The following ZNF385D variants were observed in gnomAD, a reference collection of about 807,000 sequenced individuals.
ZNF385D encodes the protein zinc finger protein 659.
Under a neutral mutation model 35.8 loss-of-function variants are expected in ZNF385D, and 15 were observed. The observed-to-expected ratio is 0.42, with a 90% CI of 0.28 to 0.64. The LOEUF is 0.64. Among genes scored for constraint, ZNF385D ranks in the 30% least tolerant of loss-of-function variants. The probability of loss-of-function intolerance (pLI) is 0.23; values close to 1 mark genes in which losing one functional copy is unlikely to be tolerated. For synonymous variants in ZNF385D, 212 were observed against 186.8 expected, an observed-to-expected ratio of 1.13 and a Z score of -1.10; for missense variants, 474 against 494.6, an observed-to-expected ratio of 0.96 and a Z score of 0.39.
intron 2 of ZNF385D, among the ~76,000 whole-genome samples, chr3:22,304,957 G>A (rs1703123906): frequency 1.3e-5 from 2 of 151,936 alleles, no homozygotes; most frequent in South Asian, 4.1e-4. Flanking sequence ...GCTTAGTACA[G>A]TATTATTTCT....
At chr3:21,426,528 T>C (rs1211443142) in intron 5 of ZNF385D, among the ~76,000 whole-genome samples, 2 of 152,206 alleles carry the variant, frequency 1.3e-5, no homozygotes, top group East Asian at 3.8e-4. Flanking sequence ...AATTTCTTTT[T>C]TTTTAGAGTT....
At chr3:22,029,746 G>T (rs966066763) in intron 3 of ZNF385D, among the ~76,000 whole-genome samples, 1 of 152,170 alleles carries the variant, frequency 6.6e-6, no homozygotes, top group African/African-American at 2.4e-5. Context: ...GGGGATTGGT[G>T]CATTTCTAGT....
intron 2 of ZNF385D, among the ~76,000 whole-genome samples, chr3:22,279,182 A>G (rs1045515258): frequency 2.2e-4 from 33 of 151,980 alleles, no homozygotes; most frequent in Non-Finnish European, 3.8e-4. Flanking sequence ...TTAGTGGCCA[A>G]TTCTGAGATC....
intron 3 of ZNF385D, among the ~76,000 whole-genome samples, chr3:21,906,600 C>G (rs1016798009): frequency 6.6e-6 from 1 of 152,100 alleles, no homozygotes; most frequent in African/African-American, 2.4e-5. Flanking sequence ...TTTGGTTTCC[C>G]TGGGTTCTGT....
chr3:22,185,002 A>G (rs76345924), intron 2 of ZNF385D, among the ~76,000 whole-genome samples: 4,186 of 152,156 alleles, frequency 0.028, 189 homozygotes, highest in African/African-American at 0.095. Flanking sequence ...TGTGTTTTAA[A>G]TAAACATGAG....
intron 5 of ZNF385D, among the ~76,000 whole-genome samples, chr3:21,433,161 AGTCCATTCTGCT>A (rs1375891808): frequency 6.6e-6 from 1 of 152,172 alleles, no homozygotes; most frequent in Non-Finnish European, 1.5e-5. Flanking sequence ...TATCACTTCT[AGTCCATTCTGCT>A]GTCCTATATC....
intron 3 of ZNF385D, among the ~76,000 whole-genome samples, chr3:21,988,406 A>C (rs1694940402): frequency 7.8e-6 from 1 of 128,260 alleles, no homozygotes. Flanking sequence ...CCTCAGCTGC[A>C]GGTCTGTTGG....
intron 3 of ZNF385D, among the ~76,000 whole-genome samples, chr3:22,069,934 C>A (rs1391583960): frequency 6.6e-6 from 1 of 152,162 alleles, no homozygotes; most frequent in Non-Finnish European, 1.5e-5. Context: ...GAGTGCCAAG[C>A]TCTCAGCAGC....
intron 3 of ZNF385D, among the ~76,000 whole-genome samples, chr3:21,945,169 T>TAG (rs1701718195): frequency 1.3e-5 from 2 of 150,868 alleles, no homozygotes; most frequent in African/African-American, 4.9e-5. Context: ...CACACATATA[T>TAG]ATATAGTGAG....
chr3:21,795,593 C>G (rs1559629358), intron 3 of ZNF385D, among the ~76,000 whole-genome samples: 1 of 152,146 alleles, frequency 6.6e-6, no homozygotes, highest in Non-Finnish European at 1.5e-5. Flanking sequence ...GAAAGATAAG[C>G]TCAAGTAATT....
chr3:21,815,673 T>C (rs956960999), intron 3 of ZNF385D, among the ~76,000 whole-genome samples: 16 of 152,186 alleles, frequency 1.1e-4, no homozygotes, highest in Non-Finnish European at 2.1e-4. Flanking sequence ...GGCTCTGAAA[T>C]TGAGATAATA....
intron 3 of ZNF385D, among the ~76,000 whole-genome samples, chr3:22,142,500 AT>A (rs781190077): frequency 6.6e-6 from 1 of 152,164 alleles, no homozygotes; most frequent in Admixed American, 6.5e-5. Context: ...TATAAAATCA[AT>A]TTGTTTGTAT....
chr3:21,514,285 ATAAG>A (rs1707419060), intron 3 of ZNF385D, among the ~76,000 whole-genome samples: 1 of 152,190 alleles, frequency 6.6e-6, no homozygotes, highest in South Asian at 2.1e-4. Flanking sequence ...TCTAAGTTAA[ATAAG>A]TAACTGTACT....
chr3:22,145,239 TAA>T (rs945047059), intron 3 of ZNF385D, among the ~76,000 whole-genome samples: 2 of 152,230 alleles, frequency 1.3e-5, no homozygotes, highest in African/African-American at 4.8e-5. Flanking sequence ...CCACCATAAA[TAA>T]AGTTATTAGG....
chr3:21,685,832 T>G (rs1031920651), intron 1 of ZNF385D, among the ~76,000 whole-genome samples: 2 of 152,074 alleles, frequency 1.3e-5, no homozygotes, highest in Non-Finnish European at 2.9e-5. Flanking sequence ...TACCTTGAGG[T>G]TTTGGCCAAG....
At chr3:22,145,115 A>T (rs1704771161) in intron 3 of ZNF385D, among the ~76,000 whole-genome samples, 1 of 152,138 alleles carries the variant, frequency 6.6e-6, no homozygotes. Context: ...ACACACATAC[A>T]TTTGTATATA....
chr3:21,964,440 A>G (rs1479595362), intron 3 of ZNF385D, among the ~76,000 whole-genome samples: 1 of 144,754 alleles, frequency 6.9e-6, no homozygotes, highest in Non-Finnish European at 1.5e-5. Context: ...AAAGAAAAAA[A>G]AAAAAAGAAA....
rs1010087778 is a variant in ZNF385D, at chr3:22,187,400, T to C, written c.107-18365A>G. 2.0e-4 allele frequency among the ~76,000 whole-genome samples: 30 copies of C among 152,166 alleles called. 1 individual carries two copies. Among genetic ancestry groups the C allele is most frequent in the Admixed American group, 1.6e-3 (24 of 15,240 alleles). ...GGGTGGCTTAAACTATTTAAGACCA[T>C]AATTAATTTAGAAAAATCAACTTAT... On this transcript the variant is annotated intron_variant, in intron 2 of 5. Transcript: ENST00000494108.
At chr3:22,270,439 A>T (rs1414283626) in intron 2 of ZNF385D, among the ~76,000 whole-genome samples, 1 of 151,894 alleles carries the variant, frequency 6.6e-6, no homozygotes, top group Non-Finnish European at 1.5e-5. Context: ...CATTTTCTCA[A>T]TTATTCTTTT....
Sources: allele counts gnomAD v4.1 joint callset (sites outside exome capture counted in the v4.1 genomes callset), GRCh38; gene constraint gnomAD v4.1.1; transcripts MANE v1.5; gene names NCBI Gene and HGNC (gene_info 2026-07-23, HGNC 2026-07-21).